The following AP2A2 variants were observed in gnomAD, a reference collection of about 807,000 sequenced individuals.
AP2A2 encodes adaptor related protein complex 2 subunit alpha 2.
Under a neutral mutation model 104.2 loss-of-function variants are expected in AP2A2, and 32 were observed. The ratio of observed to expected loss-of-function variants is 0.31; its 90% confidence interval spans 0.23 to 0.41. The LOEUF is 0.41. Ranked by LOEUF, AP2A2 falls within the 10% of genes least tolerant of loss-of-function variation. AP2A2 has a pLI of 1.00. For missense variants in AP2A2, 912 were observed against 1,261.0 expected, an observed-to-expected ratio of 0.72 and a Z score of 4.19; for synonymous variants, 539 against 533.3, an observed-to-expected ratio of 1.01 and a Z score of -0.15.
chr11:927,033 C>T (rs1339700196), intron 1 of AP2A2, among the ~76,000 whole-genome samples: 1 of 152,110 alleles, frequency 6.6e-6, no homozygotes, highest in Non-Finnish European at 1.5e-5. Flanking sequence ...TGATTTTTTT[C>T]CTTGTTATCC....
At chr11:929,572 C>T (rs1201342576) in intron 1 of AP2A2, among the ~76,000 whole-genome samples, 1 of 152,204 alleles carries the variant, frequency 6.6e-6, no homozygotes, top group East Asian at 1.9e-4. Context: ...GTCTTTCTGA[C>T]CAGTTTCTTA....
At position 992,537 on chromosome 11, in the gene AP2A2, C is replaced by T. The variant is rs1304481562; in HGVS notation, c.1304C>T (p.Ala435Val). The T allele has an allele frequency of 6.8e-6, 11 of 1,609,178 alleles. No individual in the cohort carries two copies. Among genetic ancestry groups the T allele is most frequent in the Non-Finnish European group, 9.3e-6 (11 of 1,177,772 alleles). Residue 435 changes from alanine (A) to valine (V), a missense_variant, in exon 11 of 22, where the codon GCG (alanine) becomes GTG (valine). Around this residue, in one of 7 missense-constraint regions of AP2A2, gnomAD observed 350 missense variants for 487.0 expected, o/e 0.72. Transcript: ENST00000448903. The surrounding 1 kb of genome is among the most constrained non-coding windows in gnomAD (Gnocchi z 6.4). ...LKVAILAEKY[A>V]VDYTWYVDTI... ...GTCGCCATCCTGGCTGAGAAGTACG[C>T]GGTGGACTACACCTGGTATGTGGAT...
intron 1 of AP2A2, among the ~76,000 whole-genome samples, chr11:948,060 A>G (rs1853911760): frequency 6.6e-6 from 1 of 152,210 alleles, no homozygotes. Context: ...GTAAATACCT[A>G]CATTAAAAAA....
At chr11:933,104 A>AC (rs1420661729) in intron 1 of AP2A2, among the ~76,000 whole-genome samples, 1 of 152,180 alleles carries the variant, frequency 6.6e-6, no homozygotes, top group Non-Finnish European at 1.5e-5. Context: ...ACATGTCTCT[A>AC]CTAAAAATAC....
At chr11:952,361 A>G (rs1854080234) in intron 1 of AP2A2, among the ~76,000 whole-genome samples, 1 of 152,234 alleles carries the variant, frequency 6.6e-6, no homozygotes, top group Admixed American at 6.5e-5. Context: ...ACAAGAAATC[A>G]TTAACCAGCA....
chr11:969,033 G>A (rs928716499), intron 2 of AP2A2, among the ~76,000 whole-genome samples: 4 of 151,992 alleles, frequency 2.6e-5, no homozygotes, highest in African/African-American at 9.7e-5. Flanking sequence ...GGGCCAGAGC[G>A]GCTGTCGCAG....
At chr11:926,481 G>T (rs562852661) in intron 1 of AP2A2, among the ~76,000 whole-genome samples, 1 of 152,184 alleles carries the variant, frequency 6.6e-6, no homozygotes, top group Admixed American at 6.5e-5. Context: ...TCCGTGCGGG[G>T]GGCTGCGGCA....
intron 4 of AP2A2, among the ~76,000 whole-genome samples, chr11:973,961 C>A (rs1215190862): frequency 6.6e-6 from 1 of 152,230 alleles, no homozygotes; most frequent in African/African-American, 2.4e-5. Context: ...AAGACAGGGC[C>A]ACCCCTGAGG....
rs542672695 is a variant in AP2A2, at chr11:968,957, G to A, written c.137-1212G>A. ...GCACCGTTCCCCAGGAAATGTGGCC[G>A]GTCTGTATTCTACACAGTTGAGGTC... is the stretch of plus-strand genomic sequence containing the variant. On this transcript the variant is annotated intron_variant, in intron 2 of 21. Transcript: ENST00000448903. This position sits in a 1 kb window ranked among gnomAD's most constrained non-coding sequence, Gnocchi z 4.2. Among the ~76,000 whole-genome samples, 2 of 152,156 alleles carry A rather than the reference G, an allele frequency of 1.3e-5. No homozygotes were observed. Among genetic ancestry groups the A allele is most frequent in the South Asian group, 2.1e-4 (1 of 4,828 alleles).
chr11:993,082 TCAGCGTGTGG>T lies in AP2A2; in HGVS notation c.1453-197_1453-188del, dbSNP rs1375261564. Among the ~76,000 whole-genome samples, 2 of 152,176 alleles carry T rather than the reference TCAGCGTGTGG, an allele frequency of 1.3e-5. No homozygotes were observed. Among genetic ancestry groups the T allele is most frequent in the African/African-American group, 4.8e-5 (2 of 41,440 alleles). On this transcript the variant is annotated intron_variant, in intron 11 of 21. Transcript: ENST00000448903. This position sits in a 1 kb window ranked among gnomAD's most constrained non-coding sequence, Gnocchi z 8.2. ...ATGCTGCAGCTCCCTCCAGGGCAGG[TCAGCGTGTGG>T]CAGCCTTGGGTTCCTTGCTGCTGAC...
chr11:1,009,793 C>G lies in AP2A2; in HGVS notation c.2718C>G (p.Arg906=). The change falls in exon 21 of 22, where the codon CGC becomes CGG. Residue 906 remains arginine (R), a synonymous_variant. Coordinates refer to ENST00000448903, the MANE Select transcript of AP2A2 (RefSeq NM_012305.4). ...CCACCCAGATTGGATGCCTGCTGCG[C>G]TTGGAGCCGAACCTGCAAGCCCAGG... ...TKTTQIGCLL[R]LEPNLQAQMY... 6.5e-7 allele frequency: 1 copy of G among 1,548,512 alleles called. No homozygotes were observed. Among genetic ancestry groups the G allele is most frequent in the Non-Finnish European group, 8.7e-7 (1 of 1,144,472 alleles).
chr11:989,488 T>C (rs1432246057), intron 10 of AP2A2, among the ~76,000 whole-genome samples: 2 of 152,218 alleles, frequency 1.3e-5, no homozygotes, highest in Non-Finnish European at 2.9e-5. Flanking sequence ...TTCTTTTAAT[T>C]GTGTTGCATT....
At chr11:927,384 G>A (rs1432887397) in intron 1 of AP2A2, among the ~76,000 whole-genome samples, 8 of 152,064 alleles carry the variant, frequency 5.3e-5, no homozygotes, top group African/African-American at 1.9e-4. Flanking sequence ...TGTGTATTTT[G>A]AGGGACTGTT....
At chr11:932,151 C>T (rs1333553410) in intron 1 of AP2A2, among the ~76,000 whole-genome samples, 2 of 152,166 alleles carry the variant, frequency 1.3e-5, no homozygotes, top group African/African-American at 4.8e-5. Context: ...CGTGGTTTCA[C>T]CAAGTTGGTC....
At chr11:1,003,671 G>A in intron 15 of AP2A2, 51 bp from the exon 16 acceptor site, 1 of 1,281,780 alleles carries the variant, frequency 7.8e-7, no homozygotes, top group Non-Finnish European at 1.1e-6. Context: ...AAACCCTTGT[G>A]TTTTCTGCAG....
chr11:1,010,211 G>A (rs1590027443), intron 21 of AP2A2: 1 of 492,974 alleles, frequency 2.0e-6, no homozygotes, highest in Non-Finnish European at 3.6e-6. Flanking sequence ...TTCTGGCGAC[G>A]GACACCTGTC....
Position 985,541 on chromosome 11 carries a change from C to T in AP2A2, c.921C>T (p.Ala307=), listed in dbSNP as rs368631422. Residue 307 remains alanine (A), a synonymous_variant, in exon 8 of 22, where the codon GCC becomes GCT. Transcript: ENST00000448903. ...TCCAGCACTCCAACGCGAAGAATGC[C>T]GTGCTCTTCGAGGCCATCAGCTTAA... is the stretch of plus-strand genomic sequence containing the variant. ...KKVQHSNAKN[A]VLFEAISLII... is the part of the protein sequence containing the mutation. The T allele has an allele frequency of 6.2e-6, 10 of 1,613,830 alleles. No individual in the cohort carries two copies. The highest frequency in any genetic ancestry group is 1.7e-5 in the Admixed American group (1 of 59,986).
chr11:996,804 G>A (rs1217949717), intron 14 of AP2A2, among the ~76,000 whole-genome samples: 1 of 150,798 alleles, frequency 6.6e-6, no homozygotes, highest in Non-Finnish European at 1.5e-5. Context: ...CCTTAGGGAG[G>A]TGTCTGTGGC....
chr11:1,009,483 C>T, intron 20 of AP2A2, 86 bp downstream of exon 20: 2 of 1,418,114 alleles, frequency 1.4e-6, no homozygotes, highest in Non-Finnish European at 9.7e-7. Context: ...GGGGAACACG[C>T]AGCCCATGAC....
Sources: gnomAD v4.1 joint callset for allele counts (sites outside exome capture counted in the v4.1 genomes callset) on GRCh38, gnomAD v4.1.1 for gene constraint, gnomAD v4.1.1 regional missense constraint, Gnocchi (gnomAD v3.1) non-coding constraint, MANE v1.5 for transcripts, NCBI Gene and HGNC (gene_info 2026-07-23, HGNC 2026-07-21) for gene names.